Variants in SPPL2A observed in about 807,000 individuals in gnomAD.
The protein encoded by SPPL2A is signal peptide peptidase-like 2A.
A neutral mutation model predicts 63.8 loss-of-function variants in SPPL2A; 51 were observed. The ratio of observed to expected loss-of-function variants is 0.80; its 90% CI spans 0.64 to 1.01. SPPL2A has a LOEUF of 1.01. SPPL2A is among the 50% of genes least tolerant of loss of function. SPPL2A has a pLI of 0.00. For synonymous variants in SPPL2A, 188 were observed against 205.8 expected (o/e 0.91, Z 0.74); for missense variants, 553 against 622.7 (o/e 0.89, Z 1.19).
chr15:50,713,849 C>G lies in SPPL2A; in HGVS notation c.1489-5975G>C, dbSNP rs557478351. On this transcript the variant is annotated intron_variant, in intron 14 of 14. Coordinates refer to ENST00000261854, the MANE Select transcript of SPPL2A (RefSeq NM_032802.4). ...AACAAACAACAAAACAAAAAATCCT[C>G]ACTCCTACAAATAATGATAGCAAAT... Among the ~76,000 whole-genome samples, 10 of 152,254 alleles carry G rather than the reference C, an allele frequency of 6.6e-5. No individual in the cohort carries two copies. In the East Asian group the frequency reaches 1.7e-3, roughly 26 times the overall value.
chr15:50,707,980 T>A, intron 14 of SPPL2A, 106 bp from the exon 15 acceptor site: 3 of 689,392 alleles, frequency 4.4e-6, no homozygotes, highest in East Asian at 2.6e-5. Flanking sequence ...GATTGCTCTA[T>A]GAAACTGAGC....
At chr15:50,757,174 T>A (rs1450974944) in intron 1 of SPPL2A, among the ~76,000 whole-genome samples, 1 of 150,696 alleles carries the variant, frequency 6.6e-6, no homozygotes, top group Non-Finnish European at 1.5e-5. Context: ...GCTCCGCCTC[T>A]GGGATTCACG....
Position 50,719,995 on chromosome 15 carries a change from A to G in SPPL2A, c.1433T>C (p.Val478Ala), listed in dbSNP as rs769795367. ...CATTTCCTTACGTCTCCAGGCAACAACTGAGGCAGTAATAAGTGTGCAAGG... is the reference window on the plus strand; with the variant it reads ...CATTTCCTTACGTCTCCAGGCAACAGCTGAGGCAGTAATAAGTGTGCAAGG... ...LVPCTLITASVVAWRRKEMKK... is the reference protein window; with the variant it reads ...LVPCTLITASAVAWRRKEMKK... The change falls in exon 14 of 15, where the codon GTT (valine) becomes GCT (alanine). Residue 478 changes from valine to alanine, a missense_variant. Physicochemically the swap from Val to Ala is moderately conservative, Grantham distance 64. Transcript: ENST00000261854. 2.5e-6 allele frequency: 4 copies of G among 1,613,912 alleles called. No homozygotes were observed. In the South Asian group the frequency reaches 4.4e-5, roughly 18 times the overall value.
intron 11 of SPPL2A, chr15:50,725,933 A>C: frequency 2.7e-6 from 1 of 369,518 alleles, no homozygotes. Context: ...CCAAGGATAG[A>C]ACTCAGGCCT....
chr15:50,730,929 C>T (rs767698315), intron 10 of SPPL2A, 36 bp downstream of exon 10: 2 of 829,216 alleles, frequency 2.4e-6, no homozygotes, highest in African/African-American at 1.7e-5. Context: ...CATTTTTTAG[C>T]ATGTTTCTTC....
intron 4 of SPPL2A, 46 bp from the exon 5 acceptor site, chr15:50,747,674 T>G: frequency 6.9e-7 from 1 of 1,447,958 alleles, no homozygotes; most frequent in Non-Finnish European, 9.6e-7. Context: ...CTTTTCTTTC[T>G]ACTATAGTCA....
chr15:50,757,025 G>A (rs890957644), intron 1 of SPPL2A, among the ~76,000 whole-genome samples: 1 of 151,472 alleles, frequency 6.6e-6, no homozygotes, highest in Non-Finnish European at 1.5e-5. Flanking sequence ...ACTGGCATGG[G>A]TTTCCTACCG....
rs566836294 is a variant in SPPL2A at position 50,722,979 on chromosome 15, C to G, written c.1250-778G>C. Among the ~76,000 whole-genome samples, 6 of 151,960 alleles carry G rather than the reference C, an allele frequency of 3.9e-5. No homozygotes were observed. The East Asian group carries it at 1.2e-3, about 29-fold the overall frequency. ...AACAACTCAATAATAAGTAAACAACCCAATTAGAAAATGGGCAAAGGATTT... is the reference window on the plus strand; with the variant it reads ...AACAACTCAATAATAAGTAAACAACGCAATTAGAAAATGGGCAAAGGATTT... On this transcript the variant is annotated intron_variant, in intron 12 of 14. Transcript: ENST00000261854.
At position 50,747,635 on chromosome 15, in the gene SPPL2A, G is replaced by C; in HGVS notation, c.451-7C>G. Reference sequence around the variant, plus strand: ...TAATGTTATCTCCTAGAGTCTGAAAGGCAAAATAACAGTTAAACACAGGAA... The same window carrying C: ...TAATGTTATCTCCTAGAGTCTGAAACGCAAAATAACAGTTAAACACAGGAA... On this transcript the variant is annotated splice_polypyrimidine_tract_variant and splice_region_variant and intron_variant, in intron 4 of 14. Coordinates refer to ENST00000261854, the MANE Select transcript of SPPL2A (RefSeq NM_032802.4). The C allele has an allele frequency of 6.3e-7, 1 of 1,596,714 alleles. No homozygotes were observed. The highest frequency in any genetic ancestry group is 8.5e-7 in the Non-Finnish European group (1 of 1,171,068).
chr15:50,720,079 A>G lies in SPPL2A; in HGVS notation c.1349T>C (p.Leu450Pro), dbSNP rs777788972. The G allele has an allele frequency of 1.1e-5, 18 of 1,612,794 alleles. No homozygotes were observed. Among genetic ancestry groups the G allele is most frequent in the Non-Finnish European group, 1.5e-5 (18 of 1,179,672 alleles). ...STVAYAIGMI[L>P]TFVVLVLMKK... ...CATCAGCACCAGAACAACAAATGTA[A>G]GTATCATGCCAATAGCATAGGCTGC... is the stretch of plus-strand genomic sequence containing the variant. The change falls in exon 14 of 15, where the codon CTT becomes CCT. Residue 450 changes from leucine to proline, a missense_variant. Physicochemically the swap from Leu to Pro is moderately conservative, Grantham distance 98 (BLOSUM62 -3). Coordinates refer to ENST00000261854, the MANE Select transcript of SPPL2A (RefSeq NM_032802.4).
intron 14 of SPPL2A, among the ~76,000 whole-genome samples, chr15:50,708,800 G>A (rs1002757626): frequency 2.0e-5 from 3 of 151,974 alleles, no homozygotes; most frequent in Admixed American, 2.0e-4. Context: ...TTGGGAGGCC[G>A]AAGTGGGTGG....
intron 1 of SPPL2A, among the ~76,000 whole-genome samples, chr15:50,761,580 C>T (rs2063011878): frequency 6.6e-6 from 1 of 152,002 alleles, no homozygotes; most frequent in Admixed American, 6.6e-5. Flanking sequence ...CGCACCATTG[C>T]ACTTCAGCCT....
At chr15:50,736,875 A>G in intron 6 of SPPL2A, 135 bp from the exon 7 acceptor site, 1 of 500,468 alleles carries the variant, frequency 2.0e-6, no homozygotes, top group Non-Finnish European at 3.6e-6. Flanking sequence ...GATGACCTGA[A>G]TTACTTACTA....
chr15:50,745,799 C>T (rs2062852953), intron 5 of SPPL2A, among the ~76,000 whole-genome samples: 1 of 151,970 alleles, frequency 6.6e-6, no homozygotes, highest in South Asian at 2.1e-4. Flanking sequence ...GCCTGTAATC[C>T]CAACACTTTG....
At chr15:50,719,814 G>A (rs945375077) in intron 14 of SPPL2A, 126 bp downstream of exon 14, 9 of 576,404 alleles carry the variant, frequency 1.6e-5, no homozygotes, top group African/African-American at 1.3e-4. Context: ...GGTGGACAGT[G>A]AGTAAGGGGG....
chr15:50,728,277 C>T (rs2062701608), intron 10 of SPPL2A, among the ~76,000 whole-genome samples: 1 of 152,116 alleles, frequency 6.6e-6, no homozygotes, highest in South Asian at 2.1e-4. Context: ...ATGGGGTATC[C>T]TACAAAAACA....
intron 10 of SPPL2A, among the ~76,000 whole-genome samples, chr15:50,727,701 G>C (rs902641028): frequency 5.9e-5 from 9 of 152,088 alleles, no homozygotes; most frequent in Non-Finnish European, 1.3e-4. Flanking sequence ...ACTAATACTT[G>C]GGTCAAGAAC....
rs187092626 is a variant in SPPL2A, at chr15:50,747,220, G to T, written c.584+275C>A. Among the ~76,000 whole-genome samples the T allele has an allele frequency of 5.9e-3, 899 of 152,228 alleles. 14 individuals are homozygous for T. Among genetic ancestry groups the T allele is most frequent in the African/African-American group, 0.021 (865 of 41,528 alleles). On this transcript the variant is annotated intron_variant, in intron 5 of 14. Transcript: ENST00000261854. ...ATAGGCATATTAGGATATCTCCCAT[G>T]ACCTTTCCTGGGAGACAGAATTAAA... is the stretch of plus-strand genomic sequence containing the variant.
At chr15:50,763,607 G>A (rs935142858) in intron 1 of SPPL2A, among the ~76,000 whole-genome samples, 4 of 152,112 alleles carry the variant, frequency 2.6e-5, no homozygotes, top group African/African-American at 9.7e-5. Flanking sequence ...CAATATAAAA[G>A]GCCTAAAATC....
Sources: gnomAD v4.1 joint callset for allele counts (sites outside exome capture counted in the v4.1 genomes callset) on GRCh38, gnomAD v4.1.1 for gene constraint, MANE v1.5 for transcripts, NCBI Gene and HGNC (gene_info 2026-07-23, HGNC 2026-07-21) for gene names.